Variants in CFAP54 observed in about 807,000 individuals in gnomAD.
The protein encoded by CFAP54 is cilia- and flagella-associated protein 54.
Under a neutral mutation model 370.4 loss-of-function variants are expected in CFAP54, and 290 were observed. The ratio of observed to expected loss-of-function variants is 0.78; its 90% CI spans 0.71 to 0.86. CFAP54 has a LOEUF of 0.86. Ranked by LOEUF, CFAP54 falls within the 40% of genes least tolerant of loss-of-function variation. CFAP54 has a pLI of 0.00. For missense variants in CFAP54, 3,399 were observed against 3,528.7 expected (o/e 0.96, Z 0.93); for synonymous variants, 1,206 against 1,236.5 (o/e 0.98, Z 0.52).
At chr12:96,568,947 T>A (rs1955887239) in intron 19 of CFAP54, among the ~76,000 whole-genome samples, 1 of 152,108 alleles carries the variant, frequency 6.6e-6, no homozygotes, top group South Asian at 2.1e-4. Context: ...TTCCATTTTC[T>A]TGTCTTGGTT....
intron 22 of CFAP54, among the ~76,000 whole-genome samples, chr12:96,585,018 G>C (rs1371906471): frequency 6.7e-6 from 1 of 148,382 alleles, no homozygotes; most frequent in South Asian, 2.1e-4. Context: ...GTATAATAAA[G>C]AGTCTGATCT....
chr12:96,760,607 A>C (rs1390034554), intron 58 of CFAP54, among the ~76,000 whole-genome samples: 1 of 152,212 alleles, frequency 6.6e-6, no homozygotes, highest in South Asian at 2.1e-4. Flanking sequence ...ATCTAGGCTC[A>C]CTGCAACCTC....
At chr12:96,493,559 G>C (rs1470857222) in intron 1 of CFAP54, among the ~76,000 whole-genome samples, 1 of 152,194 alleles carries the variant, frequency 6.6e-6, no homozygotes, top group Non-Finnish European at 1.5e-5. Flanking sequence ...TGCAATCCCA[G>C]CACTTTGAGA....
At chr12:96,562,655 T>C (rs1955828116) in intron 17 of CFAP54, among the ~76,000 whole-genome samples, 1 of 152,086 alleles carries the variant, frequency 6.6e-6, no homozygotes, top group South Asian at 2.1e-4. Flanking sequence ...GTCTCGGAAC[T>C]CCTGACCTCA....
chr12:96,755,902 G>A (rs1958252403), intron 56 of CFAP54, among the ~76,000 whole-genome samples: 1 of 151,978 alleles, frequency 6.6e-6, no homozygotes, highest in South Asian at 2.1e-4. Flanking sequence ...TCCTGACCTT[G>A]TGATCCGCCC....
chr12:96,713,052 G>A (rs529123349), intron 48 of CFAP54, among the ~76,000 whole-genome samples: 14 of 152,320 alleles, frequency 9.2e-5, no homozygotes, highest in African/African-American at 3.4e-4. Context: ...TGCTGGTGAG[G>A]ATGTGGAGAA....
intron 5 of CFAP54, among the ~76,000 whole-genome samples, chr12:96,513,309 G>T (rs1955194202): frequency 6.6e-6 from 1 of 152,212 alleles, no homozygotes; most frequent in Admixed American, 6.5e-5. Context: ...AGTCATGCTT[G>T]TCACGCTTGA....
At chr12:96,729,864 T>C (rs1239414634) in intron 50 of CFAP54, among the ~76,000 whole-genome samples, 2 of 152,020 alleles carry the variant, frequency 1.3e-5, no homozygotes, top group Admixed American at 6.5e-5. Context: ...AGAGTTTTAC[T>C]ATGAAGGGGA....
At chr12:96,589,850 G>A (rs1274888460) in intron 23 of CFAP54, among the ~76,000 whole-genome samples, 2 of 152,058 alleles carry the variant, frequency 1.3e-5, no homozygotes, top group African/African-American at 2.4e-5. Context: ...GGGCTGAGGT[G>A]ATTCTCATGC....
intron 60 of CFAP54, among the ~76,000 whole-genome samples, chr12:96,773,171 G>A (rs1026083735): frequency 1.1e-4 from 16 of 152,178 alleles, no homozygotes; most frequent in Non-Finnish European, 1.2e-4. Flanking sequence ...ACCAATTCTA[G>A]GCTGTGTCCA....
At chr12:96,839,196 C>T (rs1959196701) in intron 66 of CFAP54, among the ~76,000 whole-genome samples, 1 of 152,168 alleles carries the variant, frequency 6.6e-6, no homozygotes, top group African/African-American at 2.4e-5. Flanking sequence ...CTTGTTTAAT[C>T]TCAATGCTTT....
At chr12:96,492,301 C>T (rs866371796) in intron 1 of CFAP54, among the ~76,000 whole-genome samples, 13 of 152,324 alleles carry the variant, frequency 8.5e-5, no homozygotes, top group Middle Eastern at 3.4e-3. Context: ...GAGGTGTTGA[C>T]CCTGCCTGCC....
intron 56 of CFAP54, among the ~76,000 whole-genome samples, chr12:96,755,238 A>G (rs143129801): frequency 1.1e-4 from 16 of 152,306 alleles, no homozygotes; most frequent in African/African-American, 3.8e-4. Context: ...AAGCAATTGT[A>G]TATATTTATG....
intron 26 of CFAP54, among the ~76,000 whole-genome samples, chr12:96,607,185 T>C (rs1336419855): frequency 1.3e-5 from 2 of 152,080 alleles, no homozygotes; most frequent in Non-Finnish European, 2.9e-5. Flanking sequence ...TCTGTGTAGA[T>C]GCTGAGGGAA....
chr12:96,502,470 T>C (rs1316493209), intron 2 of CFAP54, among the ~76,000 whole-genome samples: 2 of 151,980 alleles, frequency 1.3e-5, no homozygotes, highest in Non-Finnish European at 2.9e-5. Flanking sequence ...CTAGGCTCTA[T>C]TTTTATTTTA....
intron 43 of CFAP54, among the ~76,000 whole-genome samples, chr12:96,689,875 G>A (rs1219375832): frequency 1.3e-5 from 2 of 151,986 alleles, no homozygotes; most frequent in African/African-American, 4.8e-5. Flanking sequence ...TATCAGAGAA[G>A]TCTCACAGCT....
intron 26 of CFAP54, among the ~76,000 whole-genome samples, chr12:96,613,049 C>T (rs988802744): frequency 2.0e-5 from 3 of 152,190 alleles, no homozygotes; most frequent in Non-Finnish European, 4.4e-5. Context: ...ACTCTCCACC[C>T]CAAATCAACA....
chr12:96,630,866 C>G (rs815899), intron 32 of CFAP54, among the ~76,000 whole-genome samples: 1 of 151,728 alleles, frequency 6.6e-6, no homozygotes, highest in Admixed American at 6.6e-5. Flanking sequence ...AGTAAATGAA[C>G]TAATATAGAA....
intron 4 of CFAP54, 28 bp from the exon 5 acceptor site, chr12:96,512,958 C>G (rs1292307273): frequency 7.0e-7 from 1 of 1,428,168 alleles, no homozygotes; most frequent in South Asian, 1.4e-5. Context: ...GACTGTAAAA[C>G]ATGTTAACAA....
Sources: gnomAD v4.1 joint callset for allele counts (sites outside exome capture counted in the v4.1 genomes callset) on GRCh38, gnomAD v4.1.1 for gene constraint, MANE v1.5 for transcripts, NCBI Gene and HGNC (gene_info 2026-07-23, HGNC 2026-07-21) for gene names.